The following SCART1 variants were observed in gnomAD, a reference collection of about 807,000 sequenced individuals.
SCART1 encodes the protein scavenger receptor family member expressed on T cells 1.
Under a neutral mutation model 36.2 loss-of-function variants are expected in SCART1, and 62 were observed. The ratio of observed to expected loss-of-function variants is 1.71; its 90% confidence interval spans 1.40 to 2.12. The LOEUF (loss-of-function observed/expected upper bound fraction) is 2.12, where lower values mean the gene tolerates loss of function less well. Ranked by LOEUF, SCART1 falls within the 30% of genes most tolerant of loss-of-function variation. SCART1 has a pLI of 0.00. For missense variants in SCART1, 1,041 were observed against 540.5 expected (o/e 1.93, Z -9.18); for synonymous variants, 487 against 238.7 (o/e 2.04, Z -9.59).
At chr10:133,467,393 G>C (rs1404755384) in intron 11 of SCART1, 40 bp downstream of exon 11, 1 of 674,980 alleles carries the variant, frequency 1.5e-6, no homozygotes. Context: ...CTCTGGGGTG[G>C]GCTACGGATG....
chr10:133,465,235 G>A lies in SCART1; in HGVS notation c.2345-16G>A, dbSNP rs948996903. ...TCCCGGTCCAGCCCCCGCAGTGACC[G>A]CAGCCCCTTTTGCAGAGGAGGGCGC... On this transcript the variant is annotated splice_polypyrimidine_tract_variant and intron_variant, in intron 8 of 11. Transcript: ENST00000640237. 7 of 699,160 alleles carry A rather than the reference G, an allele frequency of 1.0e-5. 1 individual carries two copies. The highest frequency in any genetic ancestry group is 2.0e-5 in the Admixed American group (1 of 49,862). The allele number at this position is 699,160 out of a possible 1,614,324, so 43.3% of individuals were successfully genotyped here.
intron 2 of SCART1, chr10:133,456,951 G>C: frequency 3.9e-6 from 2 of 509,710 alleles, no homozygotes; most frequent in Non-Finnish European, 6.9e-6. Context: ...AGGGTCCTCA[G>C]CTGTCCCTCA....
exon 9 of SCART1, chr10:133,465,553 G>A: frequency 1.8e-6 from 1 of 547,422 alleles, no homozygotes; most frequent in South Asian, 2.5e-5. Flanking sequence ...GGACGCGGGC[G>A]TGCGCTGCTG....
At chr10:133,465,358 G>T in exon 9 of SCART1, 1 of 683,348 alleles carries the variant, frequency 1.5e-6, no homozygotes. Flanking sequence ...CTGGGACCTG[G>T]CGGACGCGGA....
chr10:133,456,697 C>T (rs1380329934), intron 2 of SCART1, 143 bp downstream of exon 2: 2 of 579,450 alleles, frequency 3.5e-6, no homozygotes. Flanking sequence ...CTGGAGCTCT[C>T]TCTGGGAGGG....
chr10:133,467,303 T>A, exon 11 of SCART1: 1 of 702,968 alleles, frequency 1.4e-6, no homozygotes, highest in Non-Finnish European at 2.6e-6. Context: ...GAGGCTGTGC[T>A]CCAAGATGAG....
At chr10:133,456,054 A>G (rs565975550) in intron 1 of SCART1, among the ~76,000 whole-genome samples, 183 bp from the exon 2 acceptor site, 389 of 151,898 alleles carry the variant, frequency 2.6e-3, no homozygotes, top group African/African-American at 9.2e-3. Context: ...CCCCGGGGAG[A>G]CACATGGGGT....
chr10:133,456,694 T>A (rs1850618475), intron 2 of SCART1, 140 bp downstream of exon 2: 1 of 570,212 alleles, frequency 1.8e-6, no homozygotes, highest in African/African-American at 1.9e-5. Flanking sequence ...GGTCTGGAGC[T>A]CTCTCTGGGA....
At chr10:133,454,619 C>T (rs1175076807) in intron 1 of SCART1, among the ~76,000 whole-genome samples, 6 of 152,096 alleles carry the variant, frequency 3.9e-5, no homozygotes, top group Non-Finnish European at 7.4e-5. Flanking sequence ...TGAGAGGGAG[C>T]CCCGGGGACC....
Position 133,456,361 on chromosome 10 carries a change from C to T in SCART1, c.192C>T (p.Val64=), listed in dbSNP as rs543842039. 89 of 702,920 alleles carry T rather than the reference C, an allele frequency of 1.3e-4. No individual in the cohort carries two copies. The East Asian group carries it at 2.3e-3, about 18-fold the overall frequency. The allele number at this position is 702,920 out of a possible 1,614,324, so 43.5% of individuals were successfully genotyped here. A position where few individuals can be genotyped will look rare whatever the true frequency, so the allele number is the denominator to read the frequency against. ...AGTGGACGCTGGCAGAGGCCTCTGT[C>T]GTGTGCAGGCAGCTGGGCTGCGGCC... is the stretch of plus-strand genomic sequence containing the variant. The change falls in exon 2 of 12, where the codon GTC becomes GTT. Residue 64 remains valine, a synonymous_variant. Transcript: ENST00000640237.
chr10:133,467,051 A>G, intron 10 of SCART1, 147 bp from the exon 11 acceptor site: 1 of 544,264 alleles, frequency 1.8e-6, no homozygotes, highest in South Asian at 2.5e-5. Flanking sequence ...GAGTCTGGCT[A>G]TGTTGCCGTG....
At chr10:133,465,999 G>A in intron 9 of SCART1, 2 of 671,938 alleles carry the variant, frequency 3.0e-6, no homozygotes, top group Admixed American at 4.2e-5. Flanking sequence ...TCTGCCTGGG[G>A]GCCATGTTTT....
exon 6 of SCART1, chr10:133,460,086 G>A (rs756885384): frequency 1.9e-6 from 1 of 515,820 alleles, no homozygotes. Context: ...CCAGGGCCAC[G>A]AGTCTGCGCT....
Position 133,464,757 on chromosome 10 carries a change from G to A in SCART1, c.2121G>A (p.Trp707Ter). Residue 707 changes from tryptophan (W) to a stop codon, truncating the protein, a stop_gained, in exon 7 of 12, where the codon TGG (tryptophan) becomes TGA (stop). Coordinates refer to ENST00000640237, the Ensembl canonical transcript of SCART1. LOFTEE classifies it high-confidence loss of function. ...GCAAGCAGCTGGGGTGTGGGGTGTG[G>A]GGAGTGGGGCTGGCTGGAGAACAGG... 1.4e-6 allele frequency: 1 copy of A among 697,918 alleles called. No homozygotes were observed. The highest frequency in any genetic ancestry group is 2.6e-6 in the Non-Finnish European group (1 of 384,666). 43.2% of individuals were successfully genotyped at this position (697,918 alleles called of 1,614,324 possible). A position where few individuals can be genotyped will look rare whatever the true frequency, so the allele number is the denominator to read the frequency against.
At chr10:133,459,607 G>C (rs1276916296) in exon 6 of SCART1, 10 of 673,360 alleles carry the variant, frequency 1.5e-5, no homozygotes, top group Non-Finnish European at 2.7e-5. Flanking sequence ...CGCGGCGCGG[G>C]CGTGGTGTGC....
exon 9 of SCART1, chr10:133,465,398 G>C: frequency 1.6e-6 from 1 of 620,840 alleles, no homozygotes; most frequent in South Asian, 1.8e-5. Context: ...GGCTGTGGTC[G>C]GGCCGTCGCC....
Position 133,454,012 on chromosome 10 carries a change from C to T in SCART1, c.15C>T (p.Leu5=), listed in dbSNP as rs936206504. Residue 5 remains leucine (L), a synonymous_variant, in exon 1 of 12, where the codon CTC becomes CTT. Transcript: ENST00000640237. ...GCTGTGGGACCATGAGGGCAGCTCT[C>T]TGGACCCTGGGACTCGGGCCCCTTC... 1.1e-5 allele frequency: 8 copies of T among 703,020 alleles called. No homozygotes were observed. The East Asian group carries it at 2.1e-4, about 19-fold the overall frequency. 43.5% of individuals were successfully genotyped at this position (703,020 alleles called of 1,614,324 possible). A position where few individuals can be genotyped will look rare whatever the true frequency, so the allele number is the denominator to read the frequency against.
exon 12 of SCART1, chr10:133,468,772 G>A (rs989826249): frequency 6.6e-6 from 1 of 152,068 alleles, no homozygotes. Flanking sequence ...TTAACCATGG[G>A]TTAAACAAAC....
chr10:133,465,630 T>C (rs1303522600), intron 9 of SCART1, 65 bp downstream of exon 9: 15 of 596,382 alleles, frequency 2.5e-5, no homozygotes, highest in Middle Eastern at 4.4e-4. Context: ...GGAGTCAGTC[T>C]TGAGTGTCAC....
Sources: allele counts gnomAD v4.1 joint callset (sites outside exome capture counted in the v4.1 genomes callset), GRCh38; gene constraint gnomAD v4.1.1; transcripts MANE v1.5; gene names NCBI Gene and HGNC (gene_info 2026-07-23, HGNC 2026-07-21).